Variants in ACKR2 observed in about 807,000 individuals in gnomAD.
The protein encoded by ACKR2 is atypical chemokine receptor 2.
For missense variants in ACKR2, 457 were observed against 477.3 expected (o/e 0.96, Z 0.40); for synonymous variants, 207 against 192.2 (o/e 1.08, Z -0.64).
intron 2 of ACKR2, among the ~76,000 whole-genome samples, chr3:42,825,577 A>ATGTG (rs113371609): frequency 0.27 from 40,139 of 148,614 alleles, 5,585 homozygotes; most frequent in Non-Finnish European, 0.32. Flanking sequence ...GTTAGCTCTG[A>ATGTG]TGTGTGTGTG....
At chr3:42,845,641 C>T (rs900978662) in intron 2 of ACKR2, among the ~76,000 whole-genome samples, 8 of 151,948 alleles carry the variant, frequency 5.3e-5, no homozygotes, top group East Asian at 1.9e-4. Flanking sequence ...TTTTAAAAAA[C>T]GTAATAGTGC....
chr3:42,837,222 T>G (rs764472777), intron 2 of ACKR2, among the ~76,000 whole-genome samples: 1 of 144,294 alleles, frequency 6.9e-6, no homozygotes, highest in East Asian at 2.0e-4. Flanking sequence ...GAGCCTGAAG[T>G]TTTTTTTTTT....
chr3:42,817,943 C>T (rs1239104075), intron 1 of ACKR2, among the ~76,000 whole-genome samples: 2 of 152,130 alleles, frequency 1.3e-5, no homozygotes, highest in Non-Finnish European at 2.9e-5. Flanking sequence ...TTTCCTGTGT[C>T]CCTTAAATAT....
Position 42,865,139 on chromosome 3 carries a change from C to G in ACKR2, c.637C>G (p.Gln213Glu). 6.2e-7 allele frequency: 1 copy of G among 1,614,014 alleles called. No individual in the cohort carries two copies. The highest frequency in any genetic ancestry group is 1.1e-5 in the South Asian group (1 of 91,078). ...GTIWKLFLRFQQNLLGFLLPL... is the reference protein window; with the variant it reads ...GTIWKLFLRFEQNLLGFLLPL... ...CATTTGGAAGCTCTTCCTCCGCTTC[C>G]AGCAGAACCTCCTAGGGTTTCTCCT... Residue 213 changes from glutamine to glutamate, a missense_variant, in exon 3 of 3, where the codon CAG (glutamine) becomes GAG (glutamate). Coordinates refer to ENST00000422265, the MANE Select transcript of ACKR2 (RefSeq NM_001296.5).
At chr3:42,830,770 T>C (rs1700923978) in intron 2 of ACKR2, among the ~76,000 whole-genome samples, 1 of 152,036 alleles carries the variant, frequency 6.6e-6, no homozygotes, top group Non-Finnish European at 1.5e-5. Context: ...TTGGTTGGAC[T>C]GTGTGGCCTC....
intron 1 of ACKR2, among the ~76,000 whole-genome samples, chr3:42,818,432 G>A (rs759477046): frequency 6.6e-6 from 1 of 152,198 alleles, no homozygotes; most frequent in Non-Finnish European, 1.5e-5. Context: ...GCAGACATGA[G>A]ACTGAGTTTT....
chr3:42,828,088 A>AT (rs1313372905), intron 2 of ACKR2, among the ~76,000 whole-genome samples: 10 of 93,048 alleles, frequency 1.1e-4, no homozygotes, highest in South Asian at 3.9e-4. Context: ...ATATATATAT[A>AT]TATATTTTTT....
intron 2 of ACKR2, among the ~76,000 whole-genome samples, chr3:42,862,368 A>G (rs1371102945): frequency 1.3e-5 from 2 of 152,200 alleles, no homozygotes; most frequent in African/African-American, 4.8e-5. Flanking sequence ...AGAAGACACA[A>G]ACAAATAGAA....
At chr3:42,861,091 A>G (rs991682836) in intron 2 of ACKR2, among the ~76,000 whole-genome samples, 2 of 152,184 alleles carry the variant, frequency 1.3e-5, no homozygotes, top group Admixed American at 6.5e-5. Context: ...TTTTGAAAAG[A>G]TCAACAAAAT....
intron 1 of ACKR2, among the ~76,000 whole-genome samples, chr3:42,810,994 C>T (rs182107862): frequency 3.9e-5 from 6 of 152,348 alleles, no homozygotes; most frequent in Admixed American, 3.9e-4. Context: ...GGATTACAGG[C>T]ATCTGCCACC....
rs768447145 is a variant in ACKR2 at position 42,864,829 on chromosome 3, T to A, written c.327T>A (p.His109Gln). The change falls in exon 3 of 3, where the codon CAT becomes CAA. Residue 109 changes from histidine (H) to glutamine (Q), a missense_variant. By Grantham distance (24) the His-to-Gln change is conservative (BLOSUM62 0). Transcript: ENST00000422265. ...LPFWGISVAWHWVFGSFLCKM... is the reference protein window; with the variant it reads ...LPFWGISVAWQWVFGSFLCKM... Reference sequence around the variant, plus strand: ...TCTGGGGCATCTCCGTGGCCTGGCATTGGGTCTTCGGGAGTTTCTTGTGCA... The same window carrying A: ...TCTGGGGCATCTCCGTGGCCTGGCAATGGGTCTTCGGGAGTTTCTTGTGCA... 6.2e-7 allele frequency: 1 copy of A among 1,614,072 alleles called. No homozygotes were observed. Among genetic ancestry groups the A allele is most frequent in the Non-Finnish European group, 8.5e-7 (1 of 1,180,038 alleles).
intron 1 of ACKR2, among the ~76,000 whole-genome samples, chr3:42,818,537 C>G (rs1357513987): frequency 2.0e-5 from 3 of 152,192 alleles, no homozygotes; most frequent in Admixed American, 2.0e-4. Flanking sequence ...CAGGAAAGCA[C>G]TTAAACAGAT....
chr3:42,853,185 CG>C (rs1349781599), intron 2 of ACKR2, among the ~76,000 whole-genome samples: 26 of 152,082 alleles, frequency 1.7e-4, no homozygotes, highest in Non-Finnish European at 3.7e-4. Flanking sequence ...CCTGCAAGCC[CG>C]AGGAAGGGGT....
At chr3:42,812,452 A>T (rs1358120814) in intron 1 of ACKR2, among the ~76,000 whole-genome samples, 3 of 152,198 alleles carry the variant, frequency 2.0e-5, no homozygotes, top group Non-Finnish European at 2.9e-5. Context: ...CTTAAAGCTC[A>T]TCTAGTCCAT....
chr3:42,824,082 C>T (rs1488470535), intron 2 of ACKR2, among the ~76,000 whole-genome samples: 3 of 152,164 alleles, frequency 2.0e-5, no homozygotes, highest in African/African-American at 7.2e-5. Context: ...TGTGTTTAAA[C>T]TTGGGTCTCA....
intron 2 of ACKR2, among the ~76,000 whole-genome samples, chr3:42,850,301 C>A (rs527375799): frequency 3.3e-5 from 5 of 152,276 alleles, no homozygotes; most frequent in African/African-American, 1.2e-4. Flanking sequence ...TGTCTAAGTC[C>A]ATATCCATCT....
At chr3:42,849,316 A>G (rs1701128583) in intron 2 of ACKR2, among the ~76,000 whole-genome samples, 1 of 152,112 alleles carries the variant, frequency 6.6e-6, no homozygotes, top group Non-Finnish European at 1.5e-5. Context: ...AGCTTGACCA[A>G]CATGGTGAAA....
At position 42,865,687 on chromosome 3, in the gene ACKR2, A is replaced by T. The variant is rs760147131; in HGVS notation, c.*30A>T. On this transcript the variant is annotated 3_prime_UTR_variant, in exon 3 of 3. Transcript: ENST00000422265. ...CCAAATTTTGGTCTGGTGGGAACAGATGGGAACCAGCTCAATTGGGTGTCC... is the reference window on the plus strand; with the variant it reads ...CCAAATTTTGGTCTGGTGGGAACAGTTGGGAACCAGCTCAATTGGGTGTCC... 6.4e-7 allele frequency: 1 copy of T among 1,559,588 alleles called. No homozygotes were observed. Among genetic ancestry groups the T allele is most frequent in the South Asian group, 1.2e-5 (1 of 81,912 alleles).
chr3:42,818,622 C>T (rs201758552), intron 1 of ACKR2, among the ~76,000 whole-genome samples: 7 of 152,270 alleles, frequency 4.6e-5, no homozygotes, highest in East Asian at 3.9e-4. Flanking sequence ...AGTGCAGTGG[C>T]GCGATCTCGG....
Sources: gnomAD v4.1 joint callset for allele counts (sites outside exome capture counted in the v4.1 genomes callset) on GRCh38, gnomAD v4.1.1 for gene constraint, MANE v1.5 for transcripts, NCBI Gene and HGNC (gene_info 2026-07-23, HGNC 2026-07-21) for gene names.